The following MTNAP1 variants were observed in gnomAD, a reference collection of about 807,000 sequenced individuals.
The protein encoded by MTNAP1 is mitochondrial nucleoid associated protein 1, also known as mitochondrial nucleoid-associated protein 1.
At chr17:73,234,470 A>AT in the MTNAP1 span, among the ~76,000 whole-genome samples, 1 of 151,806 alleles carries the variant, frequency 6.6e-6, no homozygotes, top group East Asian at 1.9e-4. Context: ...AGGCGGGCAG[A>AT]TCACGAAGTC....
chr17:73,236,425 A>T, the MTNAP1 span: 1 of 1,614,190 alleles, frequency 6.2e-7, no homozygotes, highest in Admixed American at 1.7e-5. Flanking sequence ...AAATGCAGAG[A>T]AAAGTATGTC....
the MTNAP1 span, chr17:73,236,166 T>C: frequency 1.2e-6 from 2 of 1,614,172 alleles, no homozygotes; most frequent in South Asian, 2.2e-5. Flanking sequence ...CTGGTGATTG[T>C]CATATTTCTC....
the MTNAP1 span, chr17:73,235,765 C>T: frequency 3.1e-6 from 5 of 1,614,194 alleles, no homozygotes; most frequent in Non-Finnish European, 3.4e-6. Flanking sequence ...GACCTTTCCA[C>T]TGCCAGCTGT....
At chr17:73,247,197 T>C in the MTNAP1 span, 12 of 1,569,600 alleles carry the variant, frequency 7.6e-6, no homozygotes, top group Middle Eastern at 3.5e-4. Flanking sequence ...ACAGAAACCA[T>C]ATGCCCTGAA....
At chr17:73,234,936 G>A in the MTNAP1 span, among the ~76,000 whole-genome samples, 2 of 152,054 alleles carry the variant, frequency 1.3e-5, no homozygotes, top group East Asian at 1.9e-4. Context: ...TTGGCTGGGC[G>A]TGGGCGTGGT....
chr17:73,245,030 AAC>A, the MTNAP1 span: 1 of 755,276 alleles, frequency 1.3e-6, no homozygotes, highest in East Asian at 2.9e-5. Flanking sequence ...AAGAAAGTGA[AAC>A]AAACTTCTCA....
At chr17:73,234,681 C>CAA in the MTNAP1 span, among the ~76,000 whole-genome samples, 49,471 of 97,274 alleles carry the variant, frequency 0.51, 10,987 homozygotes, top group East Asian at 0.62. Flanking sequence ...GACTCTGTCT[C>CAA]AAAAAAAAAA....
At chr17:73,248,116 T>C in the MTNAP1 span, 2 of 223,548 alleles carry the variant, frequency 8.9e-6, no homozygotes, top group Non-Finnish European at 1.8e-5. Flanking sequence ...GCAATACTGA[T>C]GTAAAGTTGC....
the MTNAP1 span, chr17:73,247,888 C>G: frequency 6.4e-6 from 1 of 155,198 alleles, no homozygotes; most frequent in Non-Finnish European, 1.4e-5. Context: ...TAAATGTCTA[C>G]AGAGTAATGG....
the MTNAP1 span, among the ~76,000 whole-genome samples, chr17:73,238,169 T>G: frequency 3.3e-5 from 5 of 152,224 alleles, no homozygotes; most frequent in South Asian, 2.1e-4. Flanking sequence ...GAAATATCTT[T>G]GCTTTTCTCT....
At chr17:73,236,252 A>G in the MTNAP1 span, 137 of 1,614,026 alleles carry the variant, frequency 8.5e-5, no homozygotes, top group Non-Finnish European at 9.3e-5. Context: ...GGCAGGGATC[A>G]CCTCTCAGGA....
At chr17:73,236,759 C>G in the MTNAP1 span, 2 of 1,614,172 alleles carry the variant, frequency 1.2e-6, no homozygotes, top group Admixed American at 1.7e-5. Flanking sequence ...GCATCACACA[C>G]TGGGTGCCAG....
At chr17:73,246,028 T>G in the MTNAP1 span, among the ~76,000 whole-genome samples, 1 of 152,184 alleles carries the variant, frequency 6.6e-6, no homozygotes, top group Non-Finnish European at 1.5e-5. Context: ...ACTTCTGCTT[T>G]GGCCCACAGA....
the MTNAP1 span, chr17:73,245,777 T>C: frequency 2.7e-5 from 24 of 894,920 alleles, no homozygotes; most frequent in African/African-American, 5.4e-5. Flanking sequence ...ATTTTTAAAA[T>C]AGCACACTAA....
the MTNAP1 span, chr17:73,248,648 G>T: frequency 1.8e-6 from 2 of 1,088,180 alleles, no homozygotes; most frequent in Non-Finnish European, 2.7e-6. Flanking sequence ...GTCCATGCTT[G>T]AGAGGACGTA....
the MTNAP1 span, among the ~76,000 whole-genome samples, chr17:73,234,580 C>T: frequency 2.0e-5 from 3 of 150,958 alleles, no homozygotes; most frequent in Admixed American, 2.0e-4. Flanking sequence ...AGTCCCAGCT[C>T]CTCGGGATGC....
At chr17:73,247,239 A>C in the MTNAP1 span, 2 of 1,614,012 alleles carry the variant, frequency 1.2e-6, no homozygotes, top group Non-Finnish European at 1.7e-6. Flanking sequence ...TGGCCTTTAC[A>C]GAAAAATTGT....
chr17:73,239,423 T>C, the MTNAP1 span, among the ~76,000 whole-genome samples: 3 of 152,200 alleles, frequency 2.0e-5, no homozygotes, highest in Admixed American at 6.5e-5. Context: ...ACTATCGTTA[T>C]GCTAGATACA....
At chr17:73,245,571 C>A in the MTNAP1 span, 1 of 985,216 alleles carries the variant, frequency 1.0e-6, no homozygotes, top group Non-Finnish European at 1.2e-6. Context: ...ATATGAGATA[C>A]CAGACTACTA....
Sources: gnomAD v4.1 joint callset for allele counts (sites outside exome capture counted in the v4.1 genomes callset) on GRCh38, gnomAD v4.1.1 for gene constraint, MANE v1.5 for transcripts, NCBI Gene and HGNC (gene_info 2026-07-23, HGNC 2026-07-21) for gene names.